NEDD9: variants seen among roughly 807,000 people sequenced by gnomAD.
The protein encoded by NEDD9 is neural precursor cell expressed, developmentally down-regulated 9.
A neutral mutation model predicts 76.6 loss-of-function variants in NEDD9; 26 were observed. That is an observed-to-expected ratio of 0.34 (90% CI 0.25 to 0.47). The LOEUF (loss-of-function observed/expected upper bound fraction) is 0.47. NEDD9 is among the 20% of genes least tolerant of loss of function. The pLI is 1.00. For synonymous variants in NEDD9, 392 were observed against 414.2 expected, an observed-to-expected ratio of 0.95 and a Z score of 0.65; for missense variants, 937 against 1,058.5, an observed-to-expected ratio of 0.89 and a Z score of 1.59.
At chr6:11,232,354 T>TA in intron 1 of NEDD9, 150 bp downstream of exon 1, 1 of 869,182 alleles carries the variant, frequency 1.2e-6, no homozygotes, top group South Asian at 1.7e-5. Flanking sequence ...CTTGCTTGTC[T>TA]GCTTGCATGT....
At chr6:11,245,945 T>A (rs1759798214) in intron 3 of NEDD9, among the ~76,000 whole-genome samples, 1 of 151,106 alleles carries the variant, frequency 6.6e-6, no homozygotes, top group Non-Finnish European at 1.5e-5. Flanking sequence ...ATGGTTTAGT[T>A]TTTTTTTTTC....
Position 11,245,919 on chromosome 6 carries a change from C to T in NEDD9, c.13-32192G>A, listed in dbSNP as rs951850038. On this transcript the variant is annotated intron_variant, in intron 3 of 3. Coordinates refer to the NEDD9 transcript ENST00000397378. ...TAAGTCTAGTAAACAATAATATTCA[C>T]TTAGGAGCATTCCACATGGTTTAGT... 4.6e-5 allele frequency among the ~76,000 whole-genome samples: 7 copies of T among 151,660 alleles called. No homozygotes were observed. The South Asian group carries it at 1.5e-3, about 31-fold the overall frequency.
chr6:11,372,291 G>A (rs1762892309), intron 1 of NEDD9, among the ~76,000 whole-genome samples: 1 of 152,134 alleles, frequency 6.6e-6, no homozygotes, highest in Non-Finnish European at 1.5e-5. Context: ...TTAACATAAT[G>A]ACCACTAGTT....
rs762734867 is a variant in NEDD9, at chr6:11,185,253, G to C, written c.2414C>G (p.Thr805Arg). The C allele has an allele frequency of 6.2e-7, 1 of 1,614,122 alleles. No individual in the cohort carries two copies. Reference sequence around the variant, plus strand: ...TTGGTGCACCATTTCCTGCAGGGCCGTGGTGCTGGGGTAATGGAGGGCGGC... The same window carrying C: ...TTGGTGCACCATTTCCTGCAGGGCCCTGGTGCTGGGGTAATGGAGGGCGGC... ...KMAALHYPST[T>R]ALQEMVHQVT... Residue 805 changes from threonine to arginine, a missense_variant, in exon 7 of 7, where the codon ACG (threonine) becomes AGG (arginine). Physicochemically the swap from Thr to Arg is moderately conservative, Grantham distance 71. Coordinates refer to ENST00000379446, the MANE Select transcript of NEDD9 (RefSeq NM_006403.4).
intron 1 of NEDD9, among the ~76,000 whole-genome samples, chr6:11,362,393 C>T (rs1451330815): frequency 6.6e-6 from 1 of 152,160 alleles, no homozygotes; most frequent in African/African-American, 2.4e-5. Flanking sequence ...CCCTCTCTTT[C>T]TCTCTCTTCT....
intron 3 of NEDD9, chr6:11,304,978 A>G: frequency 2.5e-6 from 2 of 799,306 alleles, no homozygotes; most frequent in Non-Finnish European, 1.7e-6. Flanking sequence ...CAGTGATATG[A>G]CAATCAAACT....
chr6:11,187,738 A>AT (rs1450981618), intron 6 of NEDD9, among the ~76,000 whole-genome samples: 1 of 152,346 alleles, frequency 6.6e-6, no homozygotes, highest in African/African-American at 2.4e-5. Flanking sequence ...AAATGAGTAG[A>AT]TAATTAGAGA....
intron 1 of NEDD9, chr6:11,382,025 G>A (rs1052140398): frequency 3.9e-5 from 6 of 152,218 alleles, no homozygotes; most frequent in African/African-American, 1.4e-4. Context: ...TGCCCCAGTT[G>A]AGGAGTGTTC....
At chr6:11,243,495 T>A (rs1759747657) in intron 3 of NEDD9, among the ~76,000 whole-genome samples, 1 of 152,178 alleles carries the variant, frequency 6.6e-6, no homozygotes, top group Non-Finnish European at 1.5e-5. Flanking sequence ...AGAACACATT[T>A]TGAGGAGTCC....
At chr6:11,227,194 C>T (rs927740185) in intron 1 of NEDD9, among the ~76,000 whole-genome samples, 2 of 152,164 alleles carry the variant, frequency 1.3e-5, no homozygotes, top group Non-Finnish European at 2.9e-5. Context: ...CACATCCAGG[C>T]CCACAGAATA....
In NEDD9 at chr6:11,213,366, C is replaced by T. The variant is rs775045232; in HGVS notation, c.374G>A (p.Gly125Asp). ...CTGATATACCTCTTGTTCTTGGGTG[C>T]CGTGGCCAGTGGGGACTTGGTAAAT... ...QGIYQVPTGHGTQEQEVYQVP... is the reference protein window; with the variant it reads ...QGIYQVPTGHDTQEQEVYQVP... Residue 125 changes from glycine (G) to aspartate (D), a missense_variant, in exon 2 of 7, where the codon GGC becomes GAC. Transcript: ENST00000379446. This position sits in a 1 kb window ranked among gnomAD's most constrained non-coding sequence, Gnocchi z 5.4. 2.5e-6 allele frequency: 4 copies of T among 1,613,934 alleles called. No homozygotes were observed. In the African/African-American group the frequency reaches 5.3e-5, roughly 22 times the overall value.
rs771209442 is a variant in NEDD9 at position 11,191,096 on chromosome 6, TC to T, written c.772del (p.Glu258ArgfsTer20). On this transcript the variant is annotated frameshift_variant, in exon 5 of 7. Transcript: ENST00000379446. LOFTEE classifies it high-confidence loss of function. ...GGTTGGAGGAATGTCATAAACCCCC[TC>T]CGGTCTGAGGTCCGGCCTTCCAGCT... ...RQAGRPDLRP[E>X]GVYDIPPTCT... 8.7e-6 allele frequency: 14 copies of T among 1,613,900 alleles called. No homozygotes were observed. The highest frequency in any genetic ancestry group is 8.5e-7 in the Non-Finnish European group (1 of 1,179,998).
intron 1 of NEDD9, among the ~76,000 whole-genome samples, chr6:11,379,110 C>T (rs1318550661): frequency 6.6e-6 from 1 of 152,218 alleles, no homozygotes; most frequent in Non-Finnish European, 1.5e-5. Context: ...CCATACAATT[C>T]CAGCCCAGTG....
chr6:11,267,726 C>T (rs1373201018), intron 3 of NEDD9, among the ~76,000 whole-genome samples: 1 of 152,094 alleles, frequency 6.6e-6, no homozygotes, highest in Non-Finnish European at 1.5e-5. Flanking sequence ...CGGGTCTTGT[C>T]TGGGGGAGAA....
intron 2 of NEDD9, among the ~76,000 whole-genome samples, chr6:11,310,982 C>CGA (rs1256395396): frequency 6.6e-6 from 1 of 152,180 alleles, no homozygotes; most frequent in Admixed American, 6.5e-5. Context: ...ATCCCTCCAC[C>CGA]TGTCACCTGC....
At chr6:11,316,929 A>G (rs1376771632) in intron 2 of NEDD9, among the ~76,000 whole-genome samples, 2 of 152,236 alleles carry the variant, frequency 1.3e-5, no homozygotes, top group Admixed American at 1.3e-4. Context: ...AATTAAGTCT[A>G]CGGGGGAAAT....
At position 11,193,646 on chromosome 6, in the gene NEDD9, G is replaced by A. The variant is rs777010625; in HGVS notation, c.506C>T (p.Pro169Leu). The A allele has an allele frequency of 1.2e-6, 2 of 1,613,982 alleles. No individual in the cohort carries two copies. The highest frequency in any genetic ancestry group is 1.7e-6 in the Non-Finnish European group (2 of 1,179,896). Residue 169 changes from proline (P) to leucine (L), a missense_variant, in exon 3 of 7, where the codon CCA (proline) becomes CTA (leucine). Pro to Leu is a moderately conservative substitution (Grantham distance 98). Coordinates refer to ENST00000379446, the MANE Select transcript of NEDD9 (RefSeq NM_006403.4). ...ATAGACGTCCTTTTGGTATCTGGAT[G>A]GGTACTCGTATACGTAGCCATGGCC... is the stretch of plus-strand genomic sequence containing the variant. ...RTGHGYVYEYPSRYQKDVYDI... is the reference protein window; with the variant it reads ...RTGHGYVYEYLSRYQKDVYDI...
chr6:11,219,284 G>A lies in NEDD9; in HGVS notation c.13-5557C>T, dbSNP rs114208716. ...AGAAACGATCTGCTTTTCCAAATAC[G>A]GAGAGGTGTGACTTGTAGTTTCCAT... On this transcript the variant is annotated intron_variant, in intron 1 of 6. Transcript: ENST00000379446. 1.2e-3 allele frequency among the ~76,000 whole-genome samples: 189 copies of A among 152,284 alleles called. 1 individual carries two copies. Among genetic ancestry groups the A allele is most frequent in the Non-Finnish European group, 2.3e-3 (158 of 68,024 alleles).
At chr6:11,224,326 C>T (rs761410786) in intron 1 of NEDD9, among the ~76,000 whole-genome samples, 46 of 152,142 alleles carry the variant, frequency 3.0e-4, no homozygotes, top group African/African-American at 2.4e-4. Context: ...TCCACAGTGA[C>T]AGGGGTTATC....
Sources: gnomAD v4.1 joint callset for allele counts (sites outside exome capture counted in the v4.1 genomes callset) on GRCh38, gnomAD v4.1.1 for gene constraint, Gnocchi (gnomAD v3.1) non-coding constraint, MANE v1.5 for transcripts, NCBI Gene and HGNC (gene_info 2026-07-23, HGNC 2026-07-21) for gene names.